The following SLC24A3 variants were observed in gnomAD, a reference collection of about 807,000 sequenced individuals.
The protein encoded by SLC24A3 is solute carrier family 24 member 3.
In SLC24A3, 28 loss-of-function variants were observed where a neutral mutation model predicts 75.8. The ratio of observed to expected loss-of-function variants is 0.37; its 90% CI spans 0.27 to 0.51. The LOEUF (loss-of-function observed/expected upper bound fraction) is 0.51, where lower values mean the gene tolerates loss of function less well. Among genes scored for constraint, SLC24A3 ranks in the 20% least tolerant of loss-of-function variants. The pLI, the probability that SLC24A3 is intolerant of heterozygous loss-of-function variation, is 0.94. For missense variants in SLC24A3, 663 were observed against 847.8 expected, an observed-to-expected ratio of 0.78 and a Z score of 2.71; for synonymous variants, 372 against 334.1, an observed-to-expected ratio of 1.11 and a Z score of -1.24.
chr20:19,309,602 T>G lies in SLC24A3; in HGVS notation c.271+28515T>G, dbSNP rs980670922. Among the ~76,000 whole-genome samples, 36 of 152,176 alleles carry G rather than the reference T, an allele frequency of 2.4e-4. 1 individual carries two copies. The highest frequency in any genetic ancestry group is 4.6e-4 in the Non-Finnish European group (31 of 68,024). On this transcript the variant is annotated intron_variant, in intron 2 of 16. Coordinates refer to ENST00000328041, the MANE Select transcript of SLC24A3 (RefSeq NM_020689.4). ...AAAACGCTGGCCTAGAGCTTCTATT[T>G]TTTCTCCTCTTTGGGAGGGATAACA...
At chr20:19,360,687 A>G (rs728481) in intron 2 of SLC24A3, among the ~76,000 whole-genome samples, 67,981 of 152,120 alleles carry the variant, frequency 0.45, 15,468 homozygotes, top group Middle Eastern at 0.56. Context: ...TGATGTCTCA[A>G]CATGTGATTG....
intron 15 of SLC24A3, among the ~76,000 whole-genome samples, chr20:19,705,158 G>A (rs1327852579): frequency 2.6e-5 from 4 of 152,208 alleles, no homozygotes; most frequent in African/African-American, 4.8e-5. Flanking sequence ...ATATAAAGAA[G>A]TGAAGAGCTA....
Position 19,343,199 on chromosome 20 carries a change from T to C in SLC24A3, c.271+62112T>C, listed in dbSNP as rs377220944. Among the ~76,000 whole-genome samples the C allele has an allele frequency of 3.3e-5, 5 of 152,150 alleles. No individual in the cohort carries two copies. In the East Asian group the frequency reaches 5.8e-4, roughly 18 times the overall value. ...AGTTTGTTCTGGAACTGGCTGGCTG[T>C]TCCAGCTGGACCACATTCAGATGGC... On this transcript the variant is annotated intron_variant, in intron 2 of 16. Coordinates refer to ENST00000328041, the MANE Select transcript of SLC24A3 (RefSeq NM_020689.4).
chr20:19,572,389 G>A (rs529843017), intron 3 of SLC24A3, among the ~76,000 whole-genome samples: 1 of 152,238 alleles, frequency 6.6e-6, no homozygotes, highest in Admixed American at 6.5e-5. Flanking sequence ...AACCAAGCCA[G>A]CAATGCAACA....
chr20:19,411,813 G>A (rs537006961), intron 2 of SLC24A3, among the ~76,000 whole-genome samples: 135 of 152,288 alleles, frequency 8.9e-4, no homozygotes, highest in African/African-American at 3.2e-3. Flanking sequence ...ATAACTTTGG[G>A]CATGAGGACA....
chr20:19,350,353 C>G (rs1568596957), intron 2 of SLC24A3, among the ~76,000 whole-genome samples: 1 of 152,128 alleles, frequency 6.6e-6, no homozygotes, highest in Non-Finnish European at 1.5e-5. Context: ...TCTGACTCTC[C>G]TATTCTTTCT....
rs746887855 is a variant in SLC24A3, at chr20:19,721,129, G to C, written c.1924G>C (p.Gly642Arg). ...CACCTTTGTGAACCTGCCCATGTGC[G>C]GGGACCACTGAGCCGCCGGGTGCCC... ...VFTFVNLPMC[G>R]DH Residue 642 changes from glycine to arginine, a missense_variant, in exon 17 of 17, where the codon GGG becomes CGG. Gly to Arg is a moderately radical substitution (Grantham distance 125, BLOSUM62 -2). Transcript: ENST00000328041. 4 of 1,613,902 alleles carry C rather than the reference G, an allele frequency of 2.5e-6. No homozygotes were observed. The highest frequency in any genetic ancestry group is 3.4e-6 in the Non-Finnish European group (4 of 1,179,996).
chr20:19,654,051 T>G lies in SLC24A3; in HGVS notation c.613-11T>G, dbSNP rs745857572. On this transcript the variant is annotated splice_polypyrimidine_tract_variant and intron_variant, in intron 6 of 16. Transcript: ENST00000328041. ...TATATCCTGTTTGACTTTGTTTCCC[T>G]TGTCCTGCAGGTTGTGGCTCTTTCC... The G allele has an allele frequency of 2.5e-6, 4 of 1,608,568 alleles. No individual in the cohort carries two copies. Among genetic ancestry groups the G allele is most frequent in the Non-Finnish European group, 3.4e-6 (4 of 1,175,076 alleles).
At chr20:19,537,427 T>G (rs1365000459) in intron 3 of SLC24A3, among the ~76,000 whole-genome samples, 1 of 152,194 alleles carries the variant, frequency 6.6e-6, no homozygotes, top group African/African-American at 2.4e-5. Flanking sequence ...ACACTGTTGG[T>G]GGGACTGGAA....
intron 2 of SLC24A3, among the ~76,000 whole-genome samples, chr20:19,323,335 G>A (rs1236108343): frequency 2.6e-5 from 4 of 152,126 alleles, no homozygotes; most frequent in Non-Finnish European, 4.4e-5. Flanking sequence ...ATGGACTAGC[G>A]GAGGTTAGAG....
At chr20:19,516,548 C>T (rs1029780028) in intron 3 of SLC24A3, among the ~76,000 whole-genome samples, 11 of 152,230 alleles carry the variant, frequency 7.2e-5, no homozygotes, top group Admixed American at 1.3e-4. Flanking sequence ...GGACCGACTC[C>T]GATGGCTGTG....
chr20:19,579,848 A>T, intron 3 of SLC24A3, 152 bp from the exon 4 acceptor site: 1 of 611,254 alleles, frequency 1.6e-6, no homozygotes, highest in East Asian at 2.8e-5. Context: ...ACCAGGTCAC[A>T]GGAGAGTGTT....
At chr20:19,232,227 G>T (rs1182891370) in intron 1 of SLC24A3, among the ~76,000 whole-genome samples, 2 of 152,096 alleles carry the variant, frequency 1.3e-5, no homozygotes, top group Non-Finnish European at 2.9e-5. Flanking sequence ...ATTCATGTAG[G>T]TAGTAAATAT....
At chr20:19,335,665 C>A (rs1232572343) in intron 2 of SLC24A3, among the ~76,000 whole-genome samples, 1 of 152,132 alleles carries the variant, frequency 6.6e-6, no homozygotes, top group Non-Finnish European at 1.5e-5. Flanking sequence ...GTGTATTGAC[C>A]AGCTCTTGAC....
At chr20:19,234,523 T>A (rs933508848) in intron 1 of SLC24A3, among the ~76,000 whole-genome samples, 1 of 152,230 alleles carries the variant, frequency 6.6e-6, no homozygotes, top group Non-Finnish European at 1.5e-5. Flanking sequence ...ATTGAGAGCC[T>A]AGCAATATTG....
chr20:19,668,082 G>A (rs980321657), intron 8 of SLC24A3, among the ~76,000 whole-genome samples: 1 of 142,530 alleles, frequency 7.0e-6, no homozygotes, highest in African/African-American at 2.9e-5. Context: ...GGAAGAATTG[G>A]CCTGGGGGGG....
intron 3 of SLC24A3, among the ~76,000 whole-genome samples, chr20:19,531,762 A>C (rs548722116): frequency 4.7e-4 from 71 of 152,272 alleles, no homozygotes; most frequent in African/African-American, 1.7e-3. Flanking sequence ...GTGTCTCCCA[A>C]GGTATGAACT....
At chr20:19,604,494 G>A (rs113518616) in intron 6 of SLC24A3, among the ~76,000 whole-genome samples, 93 of 152,292 alleles carry the variant, frequency 6.1e-4, no homozygotes, top group African/African-American at 2.1e-3. Flanking sequence ...AGGGCTGGGT[G>A]GGGGGTCCTG....
chr20:19,461,171 A>T (rs1359493212), intron 2 of SLC24A3, among the ~76,000 whole-genome samples: 1 of 152,150 alleles, frequency 6.6e-6, no homozygotes, highest in Non-Finnish European at 1.5e-5. Flanking sequence ...TGTTGGCTTT[A>T]AAAAAGCCAA....
Sources: allele counts gnomAD v4.1 joint callset (sites outside exome capture counted in the v4.1 genomes callset), GRCh38; gene constraint gnomAD v4.1.1; transcripts MANE v1.5; gene names NCBI Gene and HGNC (gene_info 2026-07-23, HGNC 2026-07-21).